Variants in APOL1 observed in about 807,000 individuals in gnomAD.
APOL1 encodes the protein apolipoprotein L1.
APOL1 carries 17 observed loss-of-function variants against 14.9 expected under a neutral mutation model. The ratio of observed to expected loss-of-function variants is 1.14; its 90% CI spans 0.78 to 1.71. The LOEUF (loss-of-function observed/expected upper bound fraction) is 1.71, where lower values mean the gene tolerates loss of function less well. Ranked by LOEUF, APOL1 falls within the 40% of genes most tolerant of loss-of-function variation. APOL1 has a pLI of 0.00. For missense variants in APOL1, 523 were observed against 485.9 expected (o/e 1.08, Z -0.72); for synonymous variants, 195 against 184.8 (o/e 1.05, Z -0.45).
rs1383750722 is a variant in APOL1 at position 36,267,313 on chromosome 22, G to A, written c.*1280G>A. ...GCCATGGCCATGGTCCCCAGCTGAG[G>A]AGCAGGTGTCCCTGAGAACCCAAAC... is the stretch of plus-strand genomic sequence containing the variant. On this transcript the variant is annotated 3_prime_UTR_variant, in exon 6 of 6. Coordinates refer to ENST00000397278, the MANE Select transcript of APOL1 (RefSeq NM_003661.4). The A allele has an allele frequency of 6.6e-6, 1 of 152,296 alleles. No individual in the cohort carries two copies. Among genetic ancestry groups the A allele is most frequent in the East Asian group, 1.9e-4 (1 of 5,194 alleles). The allele number at this position is 152,296 out of a possible 1,614,324, so 9.4% of individuals were successfully genotyped here. A position where few individuals can be genotyped will look rare whatever the true frequency, so the allele number is the denominator to read the frequency against.
chr22:36,255,294 G>A (rs375488878), intron 2 of APOL1, among the ~76,000 whole-genome samples: 1 of 131,716 alleles, frequency 7.6e-6, no homozygotes, highest in African/African-American at 2.9e-5. Context: ...AAGTGTCGGG[G>A]GAATCCGAGG....
In APOL1 at chr22:36,266,303, A is replaced by C. The variant is rs1047599234; in HGVS notation, c.*270A>C. Reference sequence around the variant, plus strand: ...ATGGGGTTTCACCATGTTGGCCAGGATGGTCTCGATCTCCTGACCTCTTGA... The same window carrying C: ...ATGGGGTTTCACCATGTTGGCCAGGCTGGTCTCGATCTCCTGACCTCTTGA... On this transcript the variant is annotated 3_prime_UTR_variant, in exon 6 of 6. Coordinates refer to ENST00000397278, the MANE Select transcript of APOL1 (RefSeq NM_003661.4). 4.2e-5 allele frequency: 18 copies of C among 432,966 alleles called. No individual in the cohort carries two copies. The highest frequency in any genetic ancestry group is 6.1e-5 in the Non-Finnish European group (15 of 246,122). 26.8% of individuals were successfully genotyped at this position (432,966 alleles called of 1,614,324 possible). A position where few individuals can be genotyped will look rare whatever the true frequency, so the allele number is the denominator to read the frequency against.
intron 5 of APOL1, among the ~76,000 whole-genome samples, chr22:36,264,280 A>C (rs1010029995): frequency 6.6e-6 from 1 of 152,078 alleles, no homozygotes; most frequent in African/African-American, 2.4e-5. Context: ...CAGGAAAGAC[A>C]CCAAATAGCC....
intron 4 of APOL1, among the ~76,000 whole-genome samples, chr22:36,258,901 C>T (rs777160414): frequency 2.6e-5 from 4 of 152,062 alleles, no homozygotes; most frequent in South Asian, 4.1e-4. Context: ...GACCCAGCGC[C>T]GAGTTGGATC....
At chr22:36,261,453 C>A in intron 4 of APOL1, 143 bp from the exon 5 acceptor site, 1 of 834,676 alleles carries the variant, frequency 1.2e-6, no homozygotes, top group Admixed American at 2.8e-5. Context: ...GCACACAATT[C>A]CCTCTATAGC....
intron 4 of APOL1, chr22:36,259,800 C>T: frequency 7.7e-7 from 1 of 1,304,250 alleles, no homozygotes. Flanking sequence ...TCGAAGAACC[C>T]CCTCCACTGC....
Position 36,266,619 on chromosome 22 carries a change from T to TG in APOL1, c.*592dup, listed in dbSNP as rs1256934442. ...GTTTACTTTAGACTAAAGAATATAT[T>TG]GGGGGGCCGGGTGTAGTGGCTCATG... On this transcript the variant is annotated 3_prime_UTR_variant, in exon 6 of 6. Coordinates refer to ENST00000397278, the MANE Select transcript of APOL1 (RefSeq NM_003661.4). The TG allele has an allele frequency of 3.1e-5, 12 of 389,992 alleles. No homozygotes were observed. The East Asian group carries it at 4.4e-4, about 14-fold the overall frequency. 24.2% of individuals were successfully genotyped at this position (389,992 alleles called of 1,614,324 possible).
At chr22:36,254,502 G>A (rs1205957178) in intron 1 of APOL1, among the ~76,000 whole-genome samples, 2 of 152,172 alleles carry the variant, frequency 1.3e-5, no homozygotes, top group Non-Finnish European at 2.9e-5. Flanking sequence ...AACAGATCTA[G>A]GCTGCAATGA....
intron 2 of APOL1, 35 bp from the exon 3 acceptor site, chr22:36,257,048 C>T (rs1441748768): frequency 1.4e-5 from 23 of 1,608,586 alleles, no homozygotes; most frequent in South Asian, 4.4e-5. Flanking sequence ...GATGGCTGCC[C>T]GTCCTCTGAT....
rs148496792 is a variant in APOL1, at chr22:36,265,727, G to A, written c.891G>A (p.Pro297=). 81 of 1,613,640 alleles carry A rather than the reference G, an allele frequency of 5.0e-5. No individual in the cohort carries two copies. In the Admixed American group the frequency reaches 6.7e-4, roughly 13 times the overall value. ...CCAGAGCCAATCTTCAGTCAGTACC[G>A]CATGCCTCAGCCTCACGCCCCCGGG... ...RRARANLQSV[P]HASASRPRVT... The change falls in exon 6 of 6, where the codon CCG becomes CCA. Residue 297 remains proline (P), a synonymous_variant. Coordinates refer to ENST00000397278, the MANE Select transcript of APOL1 (RefSeq NM_003661.4).
chr22:36,264,704 T>C (rs1350528383), intron 5 of APOL1, among the ~76,000 whole-genome samples: 1 of 152,156 alleles, frequency 6.6e-6, no homozygotes, highest in African/African-American at 2.4e-5. Flanking sequence ...AGATAATTAA[T>C]TCCATTTGTA....
chr22:36,253,744 C>T (rs374001940), intron 1 of APOL1: 9 of 576,002 alleles, frequency 1.6e-5, no homozygotes, highest in Admixed American at 9.0e-5. Context: ...GCCCTGGGAG[C>T]GGAATGACTT....
chr22:36,257,225 G>C, intron 3 of APOL1, 89 bp downstream of exon 3: 1 of 1,606,290 alleles, frequency 6.2e-7, no homozygotes, highest in Non-Finnish European at 8.5e-7. Flanking sequence ...TTCCACCCCA[G>C]AGAGATTTGC....
intron 2 of APOL1, 72 bp downstream of exon 2, chr22:36,255,071 G>A (rs529904897): frequency 3.2e-6 from 5 of 1,545,342 alleles, no homozygotes; most frequent in Middle Eastern, 3.4e-4. Flanking sequence ...GACTGGGCTT[G>A]GGCTGGGCCA....
rs541348507 is a variant in APOL1, at chr22:36,265,328, G to T, written c.492G>T (p.Gly164=). Residue 164 remains glycine (G), a synonymous_variant, in exon 6 of 6, where the codon GGG becomes GGT. Coordinates refer to ENST00000397278, the MANE Select transcript of APOL1 (RefSeq NM_003661.4). ...GAAGGCTCCGTGCCCTTGCAGATGG[G>T]GTTCAGAAGGTCCACAAAGGCACCA... is the stretch of plus-strand genomic sequence containing the variant. ...NIRRLRALAD[G]VQKVHKGTTI... 1.2e-6 allele frequency: 2 copies of T among 1,612,092 alleles called. No homozygotes were observed. The highest frequency in any genetic ancestry group is 1.1e-5 in the South Asian group (1 of 90,840).
rs751756905 is a variant in APOL1 at position 36,261,598 on chromosome 22, A to G, written c.190A>G (p.Ser64Gly). 2 of 1,613,006 alleles carry G rather than the reference A, an allele frequency of 1.2e-6. No individual in the cohort carries two copies. The highest frequency in any genetic ancestry group is 1.1e-5 in the South Asian group (1 of 91,032). The change falls in exon 5 of 6, where the codon AGC becomes GGC. Residue 64 changes from serine (S) to glycine (G), a missense_variant and splice_region_variant. By Grantham distance (56) the Ser-to-Gly change is moderately conservative. Transcript: ENST00000397278. ...DWAAGTMDPESSIFIEDAIKY... is the reference protein window; with the variant it reads ...DWAAGTMDPEGSIFIEDAIKY... ...TATCCTTTCTTCTTTCCAACTAGAG[A>G]GCAGTATCTTTATTGAGGATGCCAT...
At chr22:36,261,501 G>A (rs2016069740) in intron 4 of APOL1, 95 bp from the exon 5 acceptor site, 2 of 1,360,366 alleles carry the variant, frequency 1.5e-6, no homozygotes, top group Admixed American at 3.6e-5. Context: ...CATCACAGCT[G>A]TCCAGGAAAA....
At chr22:36,253,786 G>T in intron 1 of APOL1, 1 of 675,568 alleles carries the variant, frequency 1.5e-6, no homozygotes, top group Admixed American at 2.8e-5. Context: ...GGCTGAGCAG[G>T]TAGATCATAG....
rs547619972 is a variant in APOL1, at chr22:36,266,711, C to T, written c.*678C>T. 157 of 350,624 alleles carry T rather than the reference C, an allele frequency of 4.5e-4. 1 individual carries two copies. The highest frequency in any genetic ancestry group is 6.6e-4 in the Admixed American group (14 of 21,150). 21.7% of individuals were successfully genotyped at this position (350,624 alleles called of 1,614,324 possible). The stretch of plus-strand genomic sequence containing the variant: ...ACGAGGTCAGGAGATCGAGACCATC[C>T]TGGCTAACACAGTGAAACCCCGTCT... On this transcript the variant is annotated 3_prime_UTR_variant, in exon 6 of 6. Transcript: ENST00000397278.
Sources: allele counts gnomAD v4.1 joint callset (sites outside exome capture counted in the v4.1 genomes callset), GRCh38; gene constraint gnomAD v4.1.1; transcripts MANE v1.5; gene names NCBI Gene and HGNC (gene_info 2026-07-23, HGNC 2026-07-21).